Variants in SOX5 observed in about 807,000 individuals in gnomAD.
SOX5 encodes the protein SRY-box transcription factor 5, also known as transcription factor SOX-5.
SOX5 carries 9 observed loss-of-function variants against 92.0 expected under a neutral mutation model. The ratio of observed to expected loss-of-function variants is 0.10; its 90% CI spans 0.06 to 0.17. SOX5 has a LOEUF of 0.17. SOX5 is among the 10% of genes least tolerant of loss of function. SOX5 has a pLI of 1.00. For missense variants in SOX5, 642 were observed against 944.5 expected, an observed-to-expected ratio of 0.68 and a Z score of 4.20; for synonymous variants, 344 against 336.3, an observed-to-expected ratio of 1.02 and a Z score of -0.25.
chr12:23,831,546 T>G (rs540635470), intron 3 of SOX5, among the ~76,000 whole-genome samples: 1 of 152,190 alleles, frequency 6.6e-6, no homozygotes, highest in Admixed American at 6.6e-5. Context: ...GGTGAAGGCT[T>G]GAGGTCTGCC....
intron 4 of SOX5, among the ~76,000 whole-genome samples, chr12:24,111,384 C>A (rs1029800895): frequency 6.6e-6 from 1 of 152,168 alleles, no homozygotes; most frequent in African/African-American, 2.4e-5. Flanking sequence ...TCAACACTGT[C>A]AGATCTTGTG....
chr12:23,769,838 C>G (rs1444536600), intron 3 of SOX5, among the ~76,000 whole-genome samples: 1 of 152,094 alleles, frequency 6.6e-6, no homozygotes, highest in African/African-American at 2.4e-5. Context: ...ATGATACTCA[C>G]TACCTCCATA....
In SOX5 at chr12:23,563,384, A is replaced by C. The variant is rs770508892; in HGVS notation, c.1362T>G (p.Asp454Glu). 6.2e-7 allele frequency: 1 copy of C among 1,613,910 alleles called. No individual in the cohort carries two copies. The highest frequency in any genetic ancestry group is 1.3e-5 in the African/African-American group (1 of 74,930). ...VSTIGYLNDH[D>E]AVTKAIQEAR... ...CTTCTTGGATTGCCTTGGTGACAGC[A>C]TCATGGTCATTTAAGTAACCTGAAC... The change falls in exon 11 of 15, where the codon GAT (aspartate) becomes GAG (glutamate). Residue 454 changes from aspartate to glutamate, a missense_variant. Around this residue, in one of 8 missense-constraint regions of SOX5, gnomAD observed 324 missense variants for 461.6 expected, o/e 0.70. Transcript: ENST00000451604.
Position 24,318,554 on chromosome 12 carries a change from A to G in SOX5, c.-173-41242T>C, listed in dbSNP as rs138700651. Among the ~76,000 whole-genome samples, 1,461 of 152,312 alleles carry G rather than the reference A, an allele frequency of 9.6e-3. 26 individuals are homozygous for G. Among genetic ancestry groups the G allele is most frequent in the African/African-American group, 0.027 (1,120 of 41,580 alleles). ...CTTTTATCTTGTTTAAGCCTTTGTT[A>G]TTCTGGCTTATCCTATTATTAGTTG... On this transcript the variant is annotated intron_variant, in intron 2 of 4. Transcript: ENST00000446891.
intron 4 of SOX5, among the ~76,000 whole-genome samples, chr12:24,140,241 G>C (rs140763005): frequency 1.3e-5 from 2 of 152,080 alleles, no homozygotes; most frequent in Non-Finnish European, 2.9e-5. Flanking sequence ...AAGCTATGGG[G>C]GTAAGGGAGG....
chr12:23,604,032 A>G (rs931770626), intron 9 of SOX5: 19 of 170,614 alleles, frequency 1.1e-4, no homozygotes, highest in Non-Finnish European at 3.8e-5. Context: ...CTTTATCTGT[A>G]ACTTTTTACA....
intron 4 of SOX5, among the ~76,000 whole-genome samples, chr12:24,191,359 C>T (rs752850638): frequency 1.7e-4 from 26 of 152,116 alleles, no homozygotes; most frequent in Non-Finnish European, 3.1e-4. Context: ...CTTTGGTTAT[C>T]GGGTCTTTAA....
intron 1 of SOX5, among the ~76,000 whole-genome samples, chr12:24,444,001 T>C (rs1178894375): frequency 1.3e-5 from 2 of 152,224 alleles, no homozygotes; most frequent in Non-Finnish European, 2.9e-5. Flanking sequence ...AACTAGCGTT[T>C]ACCTACCCAA....
chr12:23,704,751 C>G (rs2091169969), intron 6 of SOX5, among the ~76,000 whole-genome samples: 1 of 140,638 alleles, frequency 7.1e-6, no homozygotes, highest in East Asian at 2.1e-4. Flanking sequence ...TACATGCAGA[C>G]AGATACCTAC....
intron 3 of SOX5, among the ~76,000 whole-genome samples, chr12:23,801,423 C>T (rs1479141799): frequency 6.6e-6 from 1 of 152,276 alleles, no homozygotes; most frequent in Non-Finnish European, 1.5e-5. Context: ...ATGGTAATAA[C>T]TGAACCACAG....
chr12:23,881,507 T>C (rs2096989571), intron 2 of SOX5, among the ~76,000 whole-genome samples: 1 of 152,210 alleles, frequency 6.6e-6, no homozygotes, highest in African/African-American at 2.4e-5. Flanking sequence ...AGAGAAGATG[T>C]TCAGGGACTT....
chr12:24,321,619 C>T (rs1011092541), intron 2 of SOX5, among the ~76,000 whole-genome samples: 2 of 152,126 alleles, frequency 1.3e-5, no homozygotes, highest in African/African-American at 2.4e-5. Context: ...TTTATAGTGT[C>T]GACTCAACGT....
At chr12:23,802,271 G>A (rs930768591) in intron 3 of SOX5, among the ~76,000 whole-genome samples, 6 of 151,844 alleles carry the variant, frequency 4.0e-5, no homozygotes, top group South Asian at 2.1e-4. Flanking sequence ...TAGTAGAGAC[G>A]GGGTTTCACC....
At chr12:23,996,160 T>G (rs1312628015) in intron 4 of SOX5, among the ~76,000 whole-genome samples, 1 of 152,188 alleles carries the variant, frequency 6.6e-6, no homozygotes, top group Non-Finnish European at 1.5e-5. Context: ...GAAGGGCTAC[T>G]AAACTTAAAT....
At chr12:24,469,359 G>C (rs565193823) in intron 1 of SOX5, among the ~76,000 whole-genome samples, 1 of 152,182 alleles carries the variant, frequency 6.6e-6, no homozygotes. Flanking sequence ...AGTACCGGGT[G>C]TTGGGGACCT....
At chr12:23,780,962 T>A (rs1400567780) in intron 3 of SOX5, among the ~76,000 whole-genome samples, 1 of 151,888 alleles carries the variant, frequency 6.6e-6, no homozygotes, top group Non-Finnish European at 1.5e-5. Flanking sequence ...GGAGGAAGAA[T>A]CAGGGAAGAT....
chr12:23,651,577 A>T (rs2081569176), intron 7 of SOX5, among the ~76,000 whole-genome samples: 1 of 152,124 alleles, frequency 6.6e-6, no homozygotes, highest in Non-Finnish European at 1.5e-5. Context: ...ACATATAAAT[A>T]TGGAAAGTGA....
At chr12:24,464,752 A>T (rs766242652) in intron 1 of SOX5, among the ~76,000 whole-genome samples, 43 of 152,380 alleles carry the variant, frequency 2.8e-4, no homozygotes, top group South Asian at 6.2e-4. Context: ...CCCACTTTCC[A>T]GATGAGGAAA....
intron 3 of SOX5, among the ~76,000 whole-genome samples, chr12:24,272,599 C>G (rs544705492): frequency 5.8e-4 from 88 of 152,166 alleles, no homozygotes; most frequent in African/African-American, 2.0e-3. Flanking sequence ...TTATTAAATG[C>G]CTTCCCTGCA....
Sources: allele counts gnomAD v4.1 joint callset (sites outside exome capture counted in the v4.1 genomes callset), GRCh38; gene constraint gnomAD v4.1.1; regional missense constraint gnomAD v4.1.1; transcripts MANE v1.5; gene names NCBI Gene and HGNC (gene_info 2026-07-23, HGNC 2026-07-21).